Variants in FAM199X observed in about 807,000 individuals in gnomAD.
FAM199X encodes family with sequence similarity 199, X-linked.
In FAM199X, 4 loss-of-function variants were observed where a neutral mutation model predicts 22.9. The ratio of observed to expected loss-of-function variants is 0.17; its 90% CI spans 0.09 to 0.40. The LOEUF is 0.40. Among genes scored for constraint, FAM199X ranks in the 10% least tolerant of loss-of-function variants. The pLI, the probability that FAM199X is intolerant of heterozygous loss-of-function variation, is 1.00. For synonymous variants in FAM199X, 101 were observed against 112.3 expected (o/e 0.90, Z 0.64); for missense variants, 183 against 306.8 (o/e 0.60, Z 3.01).
At chrX:104,187,738 T>TA (rs1259130824) in intron 4 of FAM199X, among the ~76,000 whole-genome samples, 2 of 111,883 alleles carry the variant, frequency 1.8e-5, no homozygotes, top group East Asian at 5.6e-4. Flanking sequence ...ATTTTATTGT[T>TA]AGTTTGTATT....
At chrX:104,185,613 C>CT (rs1275610116) in intron 2 of FAM199X, among the ~76,000 whole-genome samples, 3 of 109,625 alleles carry the variant, frequency 2.7e-5, no homozygotes, top group Non-Finnish European at 5.7e-5. Context: ...AGTCTTTTTT[C>CT]TTTTTTTTTC....
chrX:104,158,533 G>A, the FAM199X span, among the ~76,000 whole-genome samples: 3 of 112,106 alleles, frequency 2.7e-5, no homozygotes, highest in African/African-American at 9.7e-5. Flanking sequence ...CACCCAGAGT[G>A]GTAGTAGTAA....
the FAM199X span, among the ~76,000 whole-genome samples, chrX:104,158,836 CTACCTCTG>C: frequency 8.1e-3 from 906 of 111,877 alleles, 6 homozygotes; most frequent in African/African-American, 0.028. Context: ...TGCCTTGTCC[CTACCTCTG>C]TACCTCTTTT....
intron 5 of FAM199X, among the ~76,000 whole-genome samples, chrX:104,189,033 A>T (rs1159934838): frequency 8.9e-6 from 1 of 111,827 alleles, no homozygotes; most frequent in Non-Finnish European, 1.9e-5. Context: ...GTTGCTAAGG[A>T]ATTTCTCTAG....
chrX:104,185,308 G>A (rs1344337180), intron 2 of FAM199X, among the ~76,000 whole-genome samples: 1 of 110,634 alleles, frequency 9.0e-6, no homozygotes, highest in Admixed American at 9.6e-5. Context: ...ACAGTCTCTG[G>A]CAAAAAGCCA....
chrX:104,162,328 T>G (rs963320097), upstream of FAM199X, among the ~76,000 whole-genome samples: 3 of 111,958 alleles, frequency 2.7e-5, no homozygotes, highest in Non-Finnish European at 5.6e-5. Context: ...TTTAGGCCAT[T>G]AGCATTTGCG....
At chrX:104,170,881 T>G (rs782720912) in intron 1 of FAM199X, among the ~76,000 whole-genome samples, 4 of 111,847 alleles carry the variant, frequency 3.6e-5, no homozygotes, top group African/African-American at 1.3e-4. Context: ...ATTCTCTAAC[T>G]TGGAACCTTG....
upstream of FAM199X, among the ~76,000 whole-genome samples, chrX:104,164,974 T>G (rs184093381): frequency 8.9e-6 from 1 of 112,604 alleles, no homozygotes; most frequent in African/African-American, 3.2e-5. Flanking sequence ...TGCATTATCA[T>G]GCAGCACTTG....
upstream of FAM199X, among the ~76,000 whole-genome samples, chrX:104,164,805 G>A (rs1293454242): frequency 1.8e-5 from 2 of 111,404 alleles, no homozygotes; most frequent in Non-Finnish European, 3.8e-5. Flanking sequence ...GCTTGAACCC[G>A]GGAGGTGGGG....
intron 2 of FAM199X, among the ~76,000 whole-genome samples, chrX:104,184,909 A>G (rs1230010726): frequency 9.4e-6 from 1 of 106,835 alleles, no homozygotes; most frequent in Non-Finnish European, 1.9e-5. Context: ...GACCACAGGC[A>G]TGTGTCACCA....
At chrX:104,168,600 C>A (rs956299862) in intron 1 of FAM199X, among the ~76,000 whole-genome samples, 28 of 112,004 alleles carry the variant, frequency 2.5e-4, no homozygotes, top group African/African-American at 9.1e-4. Flanking sequence ...TCAGAATGAT[C>A]CTGCTGTGAT....
chrX:104,187,788 G>A (rs1282586068), intron 4 of FAM199X, among the ~76,000 whole-genome samples: 2 of 111,833 alleles, frequency 1.8e-5, no homozygotes, highest in Admixed American at 9.5e-5. Context: ...TTCTGAAGGC[G>A]AGTAGCCTTC....
At chrX:104,164,750 C>T (rs1184709033), upstream of FAM199X, among the ~76,000 whole-genome samples, 2 of 110,825 alleles carry the variant, frequency 1.8e-5, no homozygotes, top group Non-Finnish European at 3.8e-5. Flanking sequence ...TGTCGTGGCA[C>T]ATGCCTGTAA....
chrX:104,159,620 C>G, the FAM199X span, among the ~76,000 whole-genome samples: 1 of 112,340 alleles, frequency 8.9e-6, no homozygotes, highest in Admixed American at 9.4e-5. Context: ...GGGGTCCTAA[C>G]ATATATATGA....
At position 104,189,931 on chromosome X, in the gene FAM199X, C is replaced by T. The variant is rs1921895637; in HGVS notation, c.*153C>T. ...TCTTGGCAGGTGATCCCAAGACCTGCAGCTTCAGCATCACTTGAGAAGTTG... is the reference window on the plus strand; with the variant it reads ...TCTTGGCAGGTGATCCCAAGACCTGTAGCTTCAGCATCACTTGAGAAGTTG... On this transcript the variant is annotated 3_prime_UTR_variant, in exon 6 of 6. Transcript: ENST00000493442. 2.0e-6 allele frequency: 1 copy of T among 493,006 alleles called. No homozygotes were observed. The highest frequency in any genetic ancestry group is 2.4e-5 in the African/African-American group (1 of 42,097). The allele number at this position is 493,006 out of a possible 1,213,427, so 40.6% of individuals were successfully genotyped here.
intron 2 of FAM199X, among the ~76,000 whole-genome samples, chrX:104,181,588 C>T (rs1358966927): frequency 8.9e-6 from 1 of 112,242 alleles, no homozygotes; most frequent in Admixed American, 9.4e-5. Context: ...TATTGTCTGT[C>T]CAAAGGACAC....
chrX:104,170,471 T>TA (rs1319123099), intron 1 of FAM199X, among the ~76,000 whole-genome samples: 1 of 111,807 alleles, frequency 8.9e-6, no homozygotes. Flanking sequence ...GAAGTGGAAC[T>TA]ACAGGTTACA....
At chrX:104,177,096 A>G (rs1442655631) in intron 2 of FAM199X, among the ~76,000 whole-genome samples, 1 of 111,516 alleles carries the variant, frequency 9.0e-6, no homozygotes, top group Non-Finnish European at 1.9e-5. Flanking sequence ...ACCCCAAAAG[A>G]AATCCTATAC....
In FAM199X at chrX:104,188,668, G is replaced by C. The variant is rs782046135; in HGVS notation, c.996+362G>C. On this transcript the variant is annotated intron_variant, in intron 5 of 5. Coordinates refer to ENST00000493442, the MANE Select transcript of FAM199X (RefSeq NM_207318.4). ...CTGTCTATTAGCTCCTAAGAATGTT[G>C]TGTATGTCTTTTGTGTGTGTTAAAT... 1.2e-4 allele frequency among the ~76,000 whole-genome samples: 13 copies of C among 112,261 alleles called. No homozygotes were observed. In the East Asian group the frequency reaches 3.6e-3, roughly 31 times the overall value.
Sources: gnomAD v4.1 joint callset for allele counts (sites outside exome capture counted in the v4.1 genomes callset) on GRCh38, gnomAD v4.1.1 for gene constraint, MANE v1.5 for transcripts, NCBI Gene and HGNC (gene_info 2026-07-23, HGNC 2026-07-21) for gene names.